PCDH15: variants seen among roughly 807,000 people sequenced by gnomAD.
PCDH15 encodes protocadherin-15.
In PCDH15, 129 loss-of-function variants were observed where a neutral mutation model predicts 178.5. The ratio of observed to expected loss-of-function variants is 0.72; its 90% CI spans 0.63 to 0.84. The LOEUF is 0.84. Ranked by LOEUF, PCDH15 falls within the 40% of genes least tolerant of loss-of-function variation. The probability of loss-of-function intolerance (pLI) is 0.00; values close to 1 mark genes in which losing one functional copy is unlikely to be tolerated. For synonymous variants in PCDH15, 800 were observed against 732.0 expected (o/e 1.09, Z -1.50); for missense variants, 2,230 against 2,099.9 (o/e 1.06, Z -1.21).
At chr10:55,542,339 A>G (rs938395560) in intron 2 of PCDH15, among the ~76,000 whole-genome samples, 1 of 150,984 alleles carries the variant, frequency 6.6e-6, no homozygotes, top group Admixed American at 6.6e-5. Context: ...ATGCCCCTTG[A>G]ATATATGTTA....
chr10:54,569,456 C>A (rs1357122960), intron 2 of PCDH15, among the ~76,000 whole-genome samples: 1 of 152,084 alleles, frequency 6.6e-6, no homozygotes, highest in Non-Finnish European at 1.5e-5. Context: ...TAAGTGATTT[C>A]TTTTTCCAAA....
chr10:54,921,302 T>C (rs1159565095), intron 2 of PCDH15, among the ~76,000 whole-genome samples: 1 of 150,592 alleles, frequency 6.6e-6, no homozygotes, highest in East Asian at 2.0e-4. Context: ...TCACGAACTT[T>C]TATTATTTTT....
At chr10:54,839,561 A>G (rs563969447) in intron 3 of PCDH15, among the ~76,000 whole-genome samples, 1 of 152,258 alleles carries the variant, frequency 6.6e-6, no homozygotes, top group South Asian at 2.1e-4. Context: ...AAGTTCCAGA[A>G]AAAGGAGAGA....
At chr10:54,024,314 C>T (rs899110081) in intron 18 of PCDH15, among the ~76,000 whole-genome samples, 1 of 151,964 alleles carries the variant, frequency 6.6e-6, no homozygotes, top group African/African-American at 2.4e-5. Flanking sequence ...TATAATTATG[C>T]CCCAAACTGT....
rs1343602164 is a variant in PCDH15, at chr10:54,987,912, G to T, written c.-79-90412C>A. 5.9e-5 allele frequency among the ~76,000 whole-genome samples: 9 copies of T among 151,884 alleles called. No individual in the cohort carries two copies. In the South Asian group the frequency reaches 1.7e-3, roughly 28 times the overall value. On this transcript the variant is annotated intron_variant, in intron 2 of 5. Coordinates refer to the PCDH15 transcript ENST00000458638. The stretch of plus-strand genomic sequence containing the variant: ...TTGCCTTTTGTTGCAATTGCTTTTG[G>T]CATTTTTGTCATAAAGTCTTTGCCC...
At chr10:54,204,607 A>G (rs1007946709) in intron 10 of PCDH15, among the ~76,000 whole-genome samples, 1 of 151,638 alleles carries the variant, frequency 6.6e-6, no homozygotes, top group Non-Finnish European at 1.5e-5. Flanking sequence ...ATGTTACTAA[A>G]AAAATAAGCT....
chr10:54,699,054 A>C (rs1313737302), intron 1 of PCDH15, among the ~76,000 whole-genome samples: 5 of 152,182 alleles, frequency 3.3e-5, no homozygotes, highest in Admixed American at 3.3e-4. Context: ...GAGGAAAAAC[A>C]GCATTGGTTT....
chr10:54,561,979 G>GT (rs2088232254), intron 2 of PCDH15, among the ~76,000 whole-genome samples: 4 of 81,800 alleles, frequency 4.9e-5, no homozygotes, highest in African/African-American at 2.2e-4. Context: ...ACCGCACCCA[G>GT]CTTTTTTTTT....
At chr10:54,902,258 T>C (rs1228265332) in intron 2 of PCDH15, among the ~76,000 whole-genome samples, 2 of 152,164 alleles carry the variant, frequency 1.3e-5, no homozygotes, top group African/African-American at 4.8e-5. Flanking sequence ...ACTATCCTAT[T>C]TGAAAGAGCT....
intron 2 of PCDH15, among the ~76,000 whole-genome samples, chr10:54,588,051 T>A (rs936059828): frequency 1.3e-5 from 2 of 152,190 alleles, no homozygotes; most frequent in African/African-American, 4.8e-5. Context: ...ATTATTAAGA[T>A]AAACTTGCAT....
intron 3 of PCDH15, among the ~76,000 whole-genome samples, chr10:54,386,683 T>C (rs1231548895): frequency 6.6e-6 from 1 of 152,060 alleles, no homozygotes; most frequent in East Asian, 1.9e-4. Context: ...AAAGAAGATA[T>C]ACAAATAATC....
chr10:53,872,398 A>T (rs2079934345), intron 26 of PCDH15, among the ~76,000 whole-genome samples: 1 of 152,228 alleles, frequency 6.6e-6, no homozygotes, highest in Non-Finnish European at 1.5e-5. Flanking sequence ...TTTAATCATC[A>T]TACTTAGTTA....
intron 2 of PCDH15, among the ~76,000 whole-genome samples, chr10:55,355,674 C>T (rs994967627): frequency 1.3e-5 from 2 of 151,788 alleles, no homozygotes; most frequent in African/African-American, 2.4e-5. Context: ...GACTTGCAAA[C>T]GTTTTCTCTC....
intron 21 of PCDH15, among the ~76,000 whole-genome samples, chr10:53,974,403 A>G (rs1393142089): frequency 6.6e-6 from 1 of 152,182 alleles, no homozygotes; most frequent in Non-Finnish European, 1.5e-5. Context: ...TTAGTATCAT[A>G]CAACTAAGTA....
At chr10:54,331,050 A>G (rs548032580) in intron 6 of PCDH15, among the ~76,000 whole-genome samples, 1 of 151,930 alleles carries the variant, frequency 6.6e-6, no homozygotes, top group South Asian at 2.1e-4. Flanking sequence ...GAAGAAGAAA[A>G]AAACTGTGTA....
At chr10:55,214,243 A>G (rs1840641962) in intron 1 of PCDH15, among the ~76,000 whole-genome samples, 1 of 152,044 alleles carries the variant, frequency 6.6e-6, no homozygotes, top group African/African-American at 2.4e-5. Context: ...ACCAATTAAT[A>G]TACATTGAAT....
At chr10:54,615,842 T>C (rs878961183) in intron 2 of PCDH15, among the ~76,000 whole-genome samples, 2 of 152,082 alleles carry the variant, frequency 1.3e-5, no homozygotes, top group Admixed American at 1.3e-4. Flanking sequence ...TATAGAAACA[T>C]AAATACAGAG....
At chr10:55,137,219 C>T (rs780743230) in intron 2 of PCDH15, among the ~76,000 whole-genome samples, 1 of 152,140 alleles carries the variant, frequency 6.6e-6, no homozygotes, top group Non-Finnish European at 1.5e-5. Context: ...CAACAGACTG[C>T]ACATACAATG....
At chr10:53,991,665 T>C (rs2610883) in intron 21 of PCDH15, among the ~76,000 whole-genome samples, 1 of 152,000 alleles carries the variant, frequency 6.6e-6, no homozygotes, top group African/African-American at 2.4e-5. Flanking sequence ...CGGCACTCTG[T>C]GTCTAGCTCA....
Sources: allele counts gnomAD v4.1 joint callset (sites outside exome capture counted in the v4.1 genomes callset), GRCh38; gene constraint gnomAD v4.1.1; transcripts MANE v1.5; gene names NCBI Gene and HGNC (gene_info 2026-07-23, HGNC 2026-07-21).